The following TXLNB variants were observed in gnomAD, a reference collection of about 807,000 sequenced individuals.
TXLNB encodes taxilin beta.
In TXLNB, 37 loss-of-function variants were observed where a neutral mutation model predicts 57.4. The observed-to-expected ratio is 0.64, with a 90% confidence interval of 0.50 to 0.85. The LOEUF is 0.85. TXLNB is among the 40% of genes least tolerant of loss of function. The probability of loss-of-function intolerance (pLI) is 0.00; values close to 1 mark genes in which losing one functional copy is unlikely to be tolerated. For missense variants in TXLNB, 848 were observed against 825.6 expected, an observed-to-expected ratio of 1.03 and a Z score of -0.33; for synonymous variants, 302 against 309.6, an observed-to-expected ratio of 0.98 and a Z score of 0.26.
intron 2 of TXLNB, among the ~76,000 whole-genome samples, chr6:139,278,734 G>T (rs376977249): frequency 6.6e-6 from 1 of 152,208 alleles, no homozygotes; most frequent in African/African-American, 2.4e-5. Context: ...GGCCAGGCAC[G>T]GTGGCTCACG....
chr6:139,274,116 G>C (rs1158227315), intron 3 of TXLNB, among the ~76,000 whole-genome samples: 1 of 152,092 alleles, frequency 6.6e-6, no homozygotes, highest in Admixed American at 6.5e-5. Flanking sequence ...TAAGAATTGA[G>C]GAAATTAAAT....
the TXLNB span, among the ~76,000 whole-genome samples, chr6:139,300,575 A>G: frequency 6.6e-6 from 1 of 152,096 alleles, no homozygotes; most frequent in Non-Finnish European, 1.5e-5. Context: ...TTCTGCTCCT[A>G]ATGTATCTTA....
the TXLNB span, among the ~76,000 whole-genome samples, chr6:139,311,057 T>C: frequency 1.3e-5 from 2 of 152,220 alleles, no homozygotes; most frequent in African/African-American, 2.4e-5. Context: ...GATATAATAA[T>C]TGATGAAATA....
the TXLNB span, among the ~76,000 whole-genome samples, chr6:139,187,531 AATTAT>A: frequency 1.3e-5 from 2 of 150,804 alleles, no homozygotes; most frequent in African/African-American, 2.5e-5. Flanking sequence ...TTTTTTTTAT[AATTAT>A]ATTTCATTGG....
chr6:139,309,365 A>G, the TXLNB span, among the ~76,000 whole-genome samples: 20 of 152,334 alleles, frequency 1.3e-4, no homozygotes, highest in South Asian at 2.1e-4. Context: ...TCTTGTTTGC[A>G]ATAAGATTTC....
chr6:139,205,469 A>G, the TXLNB span, among the ~76,000 whole-genome samples: 1 of 152,150 alleles, frequency 6.6e-6, no homozygotes, highest in Non-Finnish European at 1.5e-5. Context: ...AGAAATAGAT[A>G]TCATAGAGAA....
intron 4 of TXLNB, among the ~76,000 whole-genome samples, chr6:139,265,976 A>G (rs1776605174): frequency 6.6e-6 from 1 of 152,232 alleles, no homozygotes; most frequent in Admixed American, 6.5e-5. Context: ...TGAACTTTAC[A>G]CAAATCTGAT....
chr6:139,269,555 G>C (rs1318975920), intron 4 of TXLNB, among the ~76,000 whole-genome samples: 2 of 152,104 alleles, frequency 1.3e-5, no homozygotes, highest in Non-Finnish European at 2.9e-5. Flanking sequence ...AAAACAATTT[G>C]GGAAAATGAG....
At position 139,288,519 on chromosome 6, in the gene TXLNB, G is replaced by C; in HGVS notation, c.381C>G (p.Ser127Arg). 6.2e-7 allele frequency: 1 copy of C among 1,614,078 alleles called. No individual in the cohort carries two copies. The highest frequency in any genetic ancestry group is 8.5e-7 in the Non-Finnish European group (1 of 1,180,020). ...TCTTTTCCAATTTTTGCTCCTTATTGCTGACGGGCTCTTTGACAGTGGGTG... is the reference window on the plus strand; with the variant it reads ...TCTTTTCCAATTTTTGCTCCTTATTCCTGACGGGCTCTTTGACAGTGGGTG... ...GEPPTVKEPV[S>R]NKEQKLEKKI... Residue 127 changes from serine (S) to arginine (R), a missense_variant, in exon 2 of 10, where the codon AGC becomes AGG. Physicochemically the swap from Ser to Arg is moderately radical, Grantham distance 110. Transcript: ENST00000358430.
the TXLNB span, among the ~76,000 whole-genome samples, chr6:139,218,231 G>A: frequency 6.6e-6 from 1 of 152,152 alleles, no homozygotes; most frequent in Non-Finnish European, 1.5e-5. Flanking sequence ...AAGTACGTTT[G>A]TATGTATGCA....
Position 139,281,738 on chromosome 6 carries a change from CG to C in TXLNB, c.425-4818del, listed in dbSNP as rs1398557173. Among the ~76,000 whole-genome samples, 2 of 110,274 alleles carry C rather than the reference CG, an allele frequency of 1.8e-5. 1 individual carries two copies. Among genetic ancestry groups the C allele is most frequent in the Non-Finnish European group, 3.4e-5 (2 of 59,386 alleles). The allele number at this position is 110,274 out of a possible 152,430, so 72.3% of individuals were successfully genotyped here. ...TAATTTTTTGTATTTTTAGTAGAGA[CG>C]GGTTTTCACCGTGTTAGCCAGGATG... On this transcript the variant is annotated intron_variant, in intron 2 of 9. Transcript: ENST00000358430.
At chr6:139,167,230 G>A in the TXLNB span, 50 of 1,614,128 alleles carry the variant, frequency 3.1e-5, no homozygotes, top group East Asian at 2.2e-4. Flanking sequence ...GGGCGCTCCC[G>A]GTGTTCGAAC....
At chr6:139,233,510 C>T in the TXLNB span, among the ~76,000 whole-genome samples, 1 of 151,660 alleles carries the variant, frequency 6.6e-6, no homozygotes, top group African/African-American at 2.4e-5. Context: ...GAACATGGCT[C>T]ATTGCTTCCT....
the TXLNB span, among the ~76,000 whole-genome samples, chr6:139,313,394 C>T: frequency 6.6e-6 from 1 of 151,838 alleles, no homozygotes; most frequent in South Asian, 2.1e-4. Context: ...TTTAATCTGT[C>T]TTTTGTTACA....
At chr6:139,300,547 G>T in the TXLNB span, among the ~76,000 whole-genome samples, 2 of 152,014 alleles carry the variant, frequency 1.3e-5, no homozygotes, top group Non-Finnish European at 2.9e-5. Context: ...TCTGCCTTTC[G>T]AAAGGCTTTC....
At chr6:139,257,723 G>GT (rs1396999848) in intron 6 of TXLNB, among the ~76,000 whole-genome samples, 1 of 149,996 alleles carries the variant, frequency 6.7e-6, no homozygotes, top group Non-Finnish European at 1.5e-5. Flanking sequence ...TATCCCTATT[G>GT]TAAAAAAAAG....
At chr6:139,277,839 A>G (rs1408037560) in intron 2 of TXLNB, among the ~76,000 whole-genome samples, 4 of 152,212 alleles carry the variant, frequency 2.6e-5, no homozygotes, top group Non-Finnish European at 5.9e-5. Context: ...CCACACAACA[A>G]AGCCCACACT....
chr6:139,312,018 T>A, the TXLNB span, among the ~76,000 whole-genome samples: 1 of 152,146 alleles, frequency 6.6e-6, no homozygotes, highest in Non-Finnish European at 1.5e-5. Flanking sequence ...CACCTCCTAA[T>A]ACCATGTCAC....
the TXLNB span, among the ~76,000 whole-genome samples, chr6:139,160,527 C>T: frequency 6.6e-6 from 1 of 152,228 alleles, no homozygotes; most frequent in African/African-American, 2.4e-5. Context: ...GATCCTTCCA[C>T]CTCAGCCTCC....
Sources: allele counts gnomAD v4.1 joint callset (sites outside exome capture counted in the v4.1 genomes callset), GRCh38; gene constraint gnomAD v4.1.1; transcripts MANE v1.5; gene names NCBI Gene and HGNC (gene_info 2026-07-23, HGNC 2026-07-21).